The following MEI4 variants were observed in gnomAD, a reference collection of about 807,000 sequenced individuals.
The protein encoded by MEI4 is meiosis-specific protein MEI4.
In MEI4, 27 loss-of-function variants were observed where a neutral mutation model predicts 31.4. The observed-to-expected ratio is 0.86, with a 90% CI of 0.63 to 1.19. MEI4 has a LOEUF of 1.19. Ranked by LOEUF, MEI4 falls within the 50% of genes most tolerant of loss-of-function variation. The pLI is 0.00. For synonymous variants in MEI4, 122 were observed against 145.4 expected, an observed-to-expected ratio of 0.84 and a Z score of 1.16; for missense variants, 329 against 398.9, an observed-to-expected ratio of 0.82 and a Z score of 1.49.
At chr6:77,857,579 T>G (rs1371778391) in intron 4 of MEI4, among the ~76,000 whole-genome samples, 1 of 152,216 alleles carries the variant, frequency 6.6e-6, no homozygotes, top group Non-Finnish European at 1.5e-5. Flanking sequence ...CTCCTACTCA[T>G]GAGTTACCTA....
rs562183041 is a variant in MEI4 at position 77,800,403 on chromosome 6, A to G, written c.769-28528A>G. Among the ~76,000 whole-genome samples, 883 of 152,206 alleles carry G rather than the reference A, an allele frequency of 5.8e-3. 8 individuals carry two copies. The highest frequency in any genetic ancestry group is 0.02 in the African/African-American group (829 of 41,532). The stretch of plus-strand genomic sequence containing the variant: ...GCTTAAGGAGATTTTGGGCTGAGAC[A>G]ATGGGGTTTTCTAGATATACAATCA... On this transcript the variant is annotated intron_variant, in intron 3 of 4. Transcript: ENST00000684080.
intron 2 of MEI4, among the ~76,000 whole-genome samples, chr6:77,699,869 C>T (rs1766171658): frequency 6.6e-6 from 1 of 151,698 alleles, no homozygotes. Flanking sequence ...ACCTGGGTGT[C>T]AGCAGCAGTG....
chr6:77,824,835 AGACATAATTAGTT>A (rs1769905053), intron 3 of MEI4, among the ~76,000 whole-genome samples: 1 of 152,174 alleles, frequency 6.6e-6, no homozygotes, highest in Admixed American at 6.6e-5. Context: ...TTGTTCCAAT[AGACATAATTAGTT>A]GGTTTAAGTT....
intron 2 of MEI4, among the ~76,000 whole-genome samples, chr6:77,714,244 A>G (rs1766531201): frequency 6.6e-6 from 1 of 152,170 alleles, no homozygotes; most frequent in East Asian, 1.9e-4. Context: ...ATTTAAAAAA[A>G]AAACAAAACA....
chr6:77,829,009 C>T lies in MEI4; in HGVS notation c.847C>T (p.Leu283=), dbSNP rs1000701115. 7 of 1,231,986 alleles carry T rather than the reference C, an allele frequency of 5.7e-6. No homozygotes were observed. Among genetic ancestry groups the T allele is most frequent in the Non-Finnish European group, 7.1e-6 (7 of 987,814 alleles). The allele number at this position is 1,231,986 out of a possible 1,614,324, so 76.3% of individuals were successfully genotyped here. A position where few individuals can be genotyped will look rare whatever the true frequency, so the allele number is the denominator to read the frequency against. Residue 283 remains leucine, a synonymous_variant, in exon 4 of 5, where the codon CTG becomes TTG. Coordinates refer to ENST00000684080, the MANE Select transcript of MEI4 (RefSeq NM_001322247.2). ...CTTGTTGAGAAAATCTATTATATCT[C>T]TGCTTCTATCAGAAGTAAATGGCTT... ...CSLLRKSIIS[L]LLSEVNGFAD... is the part of the protein sequence containing the mutation.
At chr6:77,894,893 T>C (rs1267160465) in intron 4 of MEI4, among the ~76,000 whole-genome samples, 1 of 152,194 alleles carries the variant, frequency 6.6e-6, no homozygotes, top group African/African-American at 2.4e-5. Context: ...TGGGCAGAGT[T>C]TGATGCTGTT....
At chr6:77,653,700 A>T (rs1338214106) in intron 1 of MEI4, among the ~76,000 whole-genome samples, 2 of 152,052 alleles carry the variant, frequency 1.3e-5, no homozygotes, top group Non-Finnish European at 2.9e-5. Context: ...CAAAAGATAG[A>T]TGTAAGACAA....
chr6:77,680,049 T>A (rs1168041798), intron 1 of MEI4, among the ~76,000 whole-genome samples: 2 of 148,462 alleles, frequency 1.3e-5, no homozygotes, highest in Non-Finnish European at 3.0e-5. Context: ...ATGAGTGTTG[T>A]ATTTTTTTAA....
intron 2 of MEI4, among the ~76,000 whole-genome samples, chr6:77,734,022 C>T (rs11759593): frequency 0.29 from 44,020 of 151,686 alleles, 6,610 homozygotes; most frequent in East Asian, 0.48. Context: ...TTCTTTTACA[C>T]TTGCTGAGGA....
rs181896650 is a variant in MEI4 at position 77,885,197 on chromosome 6, T to A, written c.901-37892T>A. Among the ~76,000 whole-genome samples, 1,320 of 151,478 alleles carry A rather than the reference T, an allele frequency of 8.7e-3. 21 individuals are homozygous for A. The highest frequency in any genetic ancestry group is 0.03 in the African/African-American group (1,236 of 41,152). The stretch of plus-strand genomic sequence containing the variant: ...TGCTAGTGACTCTTTTTTTTTTTTT[T>A]AATTTTGAGACAGGGGCTAACTCTG... On this transcript the variant is annotated intron_variant, in intron 4 of 4. Transcript: ENST00000684080.
chr6:77,696,884 C>A (rs1302017614), intron 2 of MEI4, among the ~76,000 whole-genome samples: 1 of 152,202 alleles, frequency 6.6e-6, no homozygotes, highest in South Asian at 2.1e-4. Flanking sequence ...GGCTGTGAAT[C>A]CATCTGGTCC....
At chr6:77,891,447 G>C (rs1771765714) in intron 4 of MEI4, among the ~76,000 whole-genome samples, 1 of 152,012 alleles carries the variant, frequency 6.6e-6, no homozygotes, top group African/African-American at 2.4e-5. Flanking sequence ...GAAATCTCTA[G>C]TTCCAGTATT....
intron 3 of MEI4, among the ~76,000 whole-genome samples, chr6:77,787,732 T>C (rs1399979220): frequency 1.3e-5 from 2 of 152,056 alleles, no homozygotes; most frequent in Non-Finnish European, 2.9e-5. Context: ...ATCTAAAAAT[T>C]ACCTGAAAAA....
intron 1 of MEI4, among the ~76,000 whole-genome samples, chr6:77,668,559 A>T (rs1457301888): frequency 6.6e-6 from 1 of 152,162 alleles, no homozygotes. Context: ...GAAATAGATT[A>T]TCTGTGTCTA....
intron 1 of MEI4, among the ~76,000 whole-genome samples, chr6:77,689,785 A>G (rs1769124057): frequency 6.6e-6 from 1 of 152,062 alleles, no homozygotes; most frequent in African/African-American, 2.4e-5. Context: ...TAGGTGGGGC[A>G]ACTGAAAGTC....
intron 3 of MEI4, among the ~76,000 whole-genome samples, chr6:77,778,058 T>G (rs1370119137): frequency 2.0e-5 from 3 of 150,894 alleles, no homozygotes; most frequent in Non-Finnish European, 4.4e-5. Context: ...CTGTGTGTAG[T>G]TTAAACATTG....
intron 3 of MEI4, among the ~76,000 whole-genome samples, chr6:77,817,876 T>A (rs549452191): frequency 6.6e-6 from 1 of 152,226 alleles, no homozygotes; most frequent in South Asian, 2.1e-4. Context: ...ATATTTTACA[T>A]CCAACATCTC....
At chr6:77,888,208 A>G (rs773051892) in intron 4 of MEI4, among the ~76,000 whole-genome samples, 6 of 152,146 alleles carry the variant, frequency 3.9e-5, no homozygotes, top group Non-Finnish European at 8.8e-5. Flanking sequence ...TTTAAAATCA[A>G]TTCAGCCAGG....
intron 4 of MEI4, among the ~76,000 whole-genome samples, chr6:77,872,276 G>A (rs967085150): frequency 2.0e-5 from 3 of 152,060 alleles, no homozygotes; most frequent in Non-Finnish European, 4.4e-5. Context: ...GTTCACTCCT[G>A]AATCTTGGCC....
Sources: gnomAD v4.1 joint callset for allele counts (sites outside exome capture counted in the v4.1 genomes callset) on GRCh38, gnomAD v4.1.1 for gene constraint, MANE v1.5 for transcripts, NCBI Gene and HGNC (gene_info 2026-07-23, HGNC 2026-07-21) for gene names.